The following DMXL1 variants were observed in gnomAD, a reference collection of about 807,000 sequenced individuals.
The protein encoded by DMXL1 is Dmx like 1, also known as dmX-like protein 1.
In DMXL1, 99 loss-of-function variants were observed where a neutral mutation model predicts 319.2. The ratio of observed to expected loss-of-function variants is 0.31; its 90% confidence interval spans 0.26 to 0.37. The LOEUF is 0.37. Among genes scored for constraint, DMXL1 ranks in the 10% least tolerant of loss-of-function variants. The probability of loss-of-function intolerance (pLI) is 1.00; values close to 1 mark genes in which losing one functional copy is unlikely to be tolerated. For synonymous variants in DMXL1, 1,385 were observed against 1,235.2 expected, an observed-to-expected ratio of 1.12 and a Z score of -2.54; for missense variants, 3,745 against 3,595.6, an observed-to-expected ratio of 1.04 and a Z score of -1.06.
chr5:119,138,075 A>T (rs2150075931), intron 13 of DMXL1, among the ~76,000 whole-genome samples: 1 of 152,320 alleles, frequency 6.6e-6, no homozygotes, highest in Admixed American at 6.5e-5. Flanking sequence ...TAGACGTGGG[A>T]TGCGGAAGTA....
chr5:119,110,740 G>A (rs113127563), intron 5 of DMXL1, among the ~76,000 whole-genome samples: 5,970 of 152,260 alleles, frequency 0.039, 306 homozygotes, highest in African/African-American at 0.12. Flanking sequence ...AAAGAAGAAT[G>A]AAGATTTGCA....
At chr5:119,233,993 C>T (rs1022891502) in intron 39 of DMXL1, among the ~76,000 whole-genome samples, 26 of 152,076 alleles carry the variant, frequency 1.7e-4, no homozygotes, top group African/African-American at 6.0e-4. Flanking sequence ...CACAGTTACC[C>T]CCATTCATTA....
chr5:119,225,016 T>C (rs1296411578), intron 38 of DMXL1, among the ~76,000 whole-genome samples: 1 of 152,008 alleles, frequency 6.6e-6, no homozygotes, highest in East Asian at 1.9e-4. Flanking sequence ...TGACTACCAA[T>C]CAAAATTTGC....
intron 25 of DMXL1, among the ~76,000 whole-genome samples, chr5:119,173,040 G>C (rs1774904963): frequency 6.6e-6 from 1 of 152,050 alleles, no homozygotes; most frequent in Non-Finnish European, 1.5e-5. Context: ...ACCTTTTGCT[G>C]CTTAAGAACT....
chr5:119,092,274 ATTTAAGAAAAATTCTTTTTCTTTTT>A (rs534005556), intron 1 of DMXL1, among the ~76,000 whole-genome samples: 25 of 150,990 alleles, frequency 1.7e-4, no homozygotes, highest in African/African-American at 5.6e-4. Flanking sequence ...TTTTTCTTTT[ATTTAAGAAAAATTCTTTTTCTTTTT>A]TTTTCACATA....
intron 13 of DMXL1, among the ~76,000 whole-genome samples, chr5:119,138,251 A>AG (rs1766483853): frequency 6.6e-6 from 1 of 152,210 alleles, no homozygotes; most frequent in Admixed American, 6.5e-5. Context: ...GGTATGTGTG[A>AG]GAAAAAAAGA....
At chr5:119,096,594 A>G (rs1381209263) in intron 1 of DMXL1, among the ~76,000 whole-genome samples, 1 of 152,228 alleles carries the variant, frequency 6.6e-6, no homozygotes, top group Non-Finnish European at 1.5e-5. Context: ...TATTGTTGTA[A>G]CGTGTGCCAG....
At chr5:119,129,013 A>G (rs971745498) in intron 9 of DMXL1, among the ~76,000 whole-genome samples, 198 bp from the exon 10 acceptor site, 2 of 152,126 alleles carry the variant, frequency 1.3e-5, no homozygotes, top group African/African-American at 4.8e-5. Flanking sequence ...AGCCAAGATC[A>G]CACCAGTGCA....
At chr5:119,144,475 C>T in intron 14 of DMXL1, 61 bp from the exon 15 acceptor site, 1 of 1,166,186 alleles carries the variant, frequency 8.6e-7, no homozygotes. Context: ...ATTTTTCTGG[C>T]TATTTAGCAT....
chr5:119,182,502 C>G (rs145047166), intron 28 of DMXL1, among the ~76,000 whole-genome samples: 174 of 152,136 alleles, frequency 1.1e-3, no homozygotes, highest in African/African-American at 3.9e-3. Flanking sequence ...TTTCCTTGTT[C>G]TGTTATAAAT....
intron 38 of DMXL1, among the ~76,000 whole-genome samples, chr5:119,227,994 A>G (rs983937444): frequency 1.3e-5 from 2 of 152,234 alleles, no homozygotes; most frequent in Admixed American, 6.5e-5. Flanking sequence ...AGAGAAAAGA[A>G]AAAAGTTTTC....
intron 16 of DMXL1, 58 bp from the exon 17 acceptor site, chr5:119,147,191 C>G: frequency 1.4e-6 from 2 of 1,409,696 alleles, no homozygotes; most frequent in Non-Finnish European, 2.0e-6. Context: ...ATGTAACAAT[C>G]GTAATATTTA....
At chr5:119,115,219 G>A (rs894322133) in intron 6 of DMXL1, among the ~76,000 whole-genome samples, 1 of 152,070 alleles carries the variant, frequency 6.6e-6, no homozygotes, top group African/African-American at 2.4e-5. Flanking sequence ...TAGAGTGACC[G>A]GCACAGTGCC....
At chr5:119,207,832 C>T (rs1339568562) in intron 34 of DMXL1, among the ~76,000 whole-genome samples, 17 of 152,194 alleles carry the variant, frequency 1.1e-4, no homozygotes, top group Admixed American at 9.2e-4. Context: ...AATTCAACTA[C>T]GACTTTATGA....
rs1199828717 is a variant in DMXL1, at chr5:119,196,460, A to G, written c.7543+4A>G. ...TTCGCAGGTCATGATCTTGCAGGTA[A>G]TAAATAGCTCAACATGAGCTAATGG... is the stretch of plus-strand genomic sequence containing the variant. On this transcript the variant is annotated splice_donor_region_variant and intron_variant, in intron 31 of 43. Coordinates refer to ENST00000539542, the MANE Select transcript of DMXL1 (RefSeq NM_001290321.3). 4 of 1,605,726 alleles carry G rather than the reference A, an allele frequency of 2.5e-6. No individual in the cohort carries two copies. Among genetic ancestry groups the G allele is most frequent in the Admixed American group, 1.7e-5 (1 of 59,884 alleles).
At chr5:119,096,758 A>G (rs1756065782) in intron 1 of DMXL1, among the ~76,000 whole-genome samples, 1 of 152,146 alleles carries the variant, frequency 6.6e-6, no homozygotes, top group Non-Finnish European at 1.5e-5. Context: ...GAGCTATGAA[A>G]TGCTTGGCAA....
At chr5:119,199,830 G>C (rs1354651156) in intron 32 of DMXL1, among the ~76,000 whole-genome samples, 1 of 152,168 alleles carries the variant, frequency 6.6e-6, no homozygotes, top group African/African-American at 2.4e-5. Context: ...CAAATGATCA[G>C]TTATATTAAG....
chr5:119,244,936 G>T (rs984089013), intron 43 of DMXL1, among the ~76,000 whole-genome samples: 1 of 152,024 alleles, frequency 6.6e-6, no homozygotes, highest in African/African-American at 2.4e-5. Flanking sequence ...CACATTGCTC[G>T]CCAGTTTTTC....
At chr5:119,108,517 A>G (rs1382076095) in intron 4 of DMXL1, among the ~76,000 whole-genome samples, 1 of 152,022 alleles carries the variant, frequency 6.6e-6, no homozygotes, top group Non-Finnish European at 1.5e-5. Flanking sequence ...TTGACTCCCC[A>G]GGCTTGAGTG....
Sources: gnomAD v4.1 joint callset for allele counts (sites outside exome capture counted in the v4.1 genomes callset) on GRCh38, gnomAD v4.1.1 for gene constraint, MANE v1.5 for transcripts, NCBI Gene and HGNC (gene_info 2026-07-23, HGNC 2026-07-21) for gene names.